The following C17orf107 variants were observed in gnomAD, a reference collection of about 807,000 sequenced individuals.
C17orf107 encodes uncharacterized protein C17orf107.
Under a neutral mutation model 8.9 loss-of-function variants are expected in C17orf107, and 9 were observed. The ratio of observed to expected loss-of-function variants is 1.02; its 90% confidence interval spans 0.61 to 1.77. C17orf107 has a LOEUF of 1.77. Ranked by LOEUF, C17orf107 falls within the 40% of genes most tolerant of loss-of-function variation. The pLI is 0.00. For missense variants in C17orf107, 281 were observed against 249.0 expected (o/e 1.13, Z -0.86); for synonymous variants, 139 against 120.3 (o/e 1.16, Z -1.02).
Position 4,900,803 on chromosome 17 carries a change from G to A in C17orf107, c.*270G>A. The A allele has an allele frequency of 1.2e-6, 2 of 1,613,818 alleles. No individual in the cohort carries two copies. Among genetic ancestry groups the A allele is most frequent in the East Asian group, 2.2e-5 (1 of 44,862 alleles). ...GGGCTCCGGCTTCACCTGCCCAGGA[G>A]CGGCACGCTCAGAGAAGTCTCTGGG... On this transcript the variant is annotated 3_prime_UTR_variant, in exon 3 of 3. Transcript: ENST00000381365.
At chr17:4,904,349 C>T (rs1208929693), downstream of C17orf107, among the ~76,000 whole-genome samples, 1 of 152,106 alleles carries the variant, frequency 6.6e-6, no homozygotes, top group African/African-American at 2.4e-5. Context: ...AGGTGTGAGC[C>T]ACCACGCCCG....
Position 4,901,050 on chromosome 17 carries a change from T to C in C17orf107, c.*517T>C. On this transcript the variant is annotated 3_prime_UTR_variant, in exon 3 of 3. Transcript: ENST00000381365. ...CCCGAGATGAGCACACAGGGCACGA[T>C]GATGTTAATGACGTAGAAGAGCGGC... 1 of 1,613,754 alleles carries C rather than the reference T, an allele frequency of 6.2e-7. No individual in the cohort carries two copies. Among genetic ancestry groups the C allele is most frequent in the Non-Finnish European group, 8.5e-7 (1 of 1,179,918 alleles).
In C17orf107 at chr17:4,902,267, C is replaced by T; in HGVS notation, c.*1734C>T. 1 of 1,614,160 alleles carries T rather than the reference C, an allele frequency of 6.2e-7. No individual in the cohort carries two copies. Among genetic ancestry groups the T allele is most frequent in the Non-Finnish European group, 8.5e-7 (1 of 1,180,020 alleles). On this transcript the variant is annotated 3_prime_UTR_variant, in exon 3 of 3. Coordinates refer to ENST00000381365, the MANE Select transcript of C17orf107 (RefSeq NM_001145536.2). This position sits in a 1 kb window ranked among gnomAD's most constrained non-coding sequence, Gnocchi z 4.0. ...GCCACACGAGTTCTGAAGGGACTCG[C>T]AGGGTTTCTATACCCCCAAAGTCGT... is the stretch of plus-strand genomic sequence containing the variant.
Position 4,900,015 on chromosome 17 carries a change from G to C in C17orf107, c.146G>C (p.Arg49Thr), listed in dbSNP as rs1969920714. ...AAHEYLEQRF[R>T]ELKSLEPPEP... is the part of the protein sequence containing the mutation. ...CATGAATATCTGGAGCAGAGGTTCA[G>C]AGAGCTGAAGTCCCTGGAGCCACCC... Residue 49 changes from arginine (R) to threonine (T), a missense_variant, in exon 2 of 3, where the codon AGA becomes ACA. Coordinates refer to ENST00000381365, the MANE Select transcript of C17orf107 (RefSeq NM_001145536.2). The C allele has an allele frequency of 6.4e-7, 1 of 1,551,436 alleles. No individual in the cohort carries two copies. The highest frequency in any genetic ancestry group is 8.7e-7 in the Non-Finnish European group (1 of 1,147,014).
At chr17:4,903,064 C>G, downstream of C17orf107, 1 of 1,614,042 alleles carries the variant, frequency 6.2e-7, no homozygotes, top group South Asian at 1.1e-5. Context: ...CCCTTGCCAT[C>G]CTGCTGCGTG....
chr17:4,900,764 C>A lies in C17orf107; in HGVS notation c.*231C>A. The stretch of plus-strand genomic sequence containing the variant: ...GCCACGCCCCCACCCTTCACACTGG[C>A]CACACCCCCGCGGGGGCTCCGGCTT... On this transcript the variant is annotated 3_prime_UTR_variant, in exon 3 of 3. Transcript: ENST00000381365. 2 of 1,599,740 alleles carry A rather than the reference C, an allele frequency of 1.3e-6. No homozygotes were observed. Among genetic ancestry groups the A allele is most frequent in the Non-Finnish European group, 1.7e-6 (2 of 1,171,450 alleles).
chr17:4,901,264 G>C lies in C17orf107; in HGVS notation c.*731G>C. ...CGAGCTGACAGCGGGCTGAAGAGGA[G>C]GCTGCGGCTGTCTGCACCAGGGTCA... On this transcript the variant is annotated 3_prime_UTR_variant, in exon 3 of 3. Transcript: ENST00000381365. The C allele has an allele frequency of 3.9e-6, 6 of 1,523,352 alleles. No individual in the cohort carries two copies. Among genetic ancestry groups the C allele is most frequent in the Non-Finnish European group, 5.4e-6 (6 of 1,119,082 alleles). The allele number at this position is 1,523,352 out of a possible 1,614,324, so 94.4% of individuals were successfully genotyped here. A position where few individuals can be genotyped will look rare whatever the true frequency, so the allele number is the denominator to read the frequency against.
At position 4,902,428 on chromosome 17, in the gene C17orf107, C is replaced by G; in HGVS notation, c.*1895C>G. On this transcript the variant is annotated 3_prime_UTR_variant, in exon 3 of 3. Coordinates refer to ENST00000381365, the MANE Select transcript of C17orf107 (RefSeq NM_001145536.2). This position sits in a 1 kb window ranked among gnomAD's most constrained non-coding sequence, Gnocchi z 4.0. ...GGGGTGCCCTGGACAAGACCTCACA[C>G]CATTCCCCAGATTTGACTCACGATT... is the stretch of plus-strand genomic sequence containing the variant. The G allele has an allele frequency of 6.2e-7, 1 of 1,614,216 alleles. No homozygotes were observed. Among genetic ancestry groups the G allele is most frequent in the Non-Finnish European group, 8.5e-7 (1 of 1,180,048 alleles).
At position 4,901,173 on chromosome 17, in the gene C17orf107, T is replaced by G; in HGVS notation, c.*640T>G. 2 of 1,605,912 alleles carry G rather than the reference T, an allele frequency of 1.2e-6. No homozygotes were observed. Among genetic ancestry groups the G allele is most frequent in the Non-Finnish European group, 1.7e-6 (2 of 1,178,692 alleles). ...CGGATCACCCCCGGGCAGAAGTCGA[T>G]GGCCCACTCGCCGTTCTCTGCGGGA... On this transcript the variant is annotated 3_prime_UTR_variant, in exon 3 of 3. Coordinates refer to ENST00000381365, the MANE Select transcript of C17orf107 (RefSeq NM_001145536.2).
In C17orf107 at chr17:4,901,033, G is replaced by A. The variant is rs1969966911; in HGVS notation, c.*500G>A. On this transcript the variant is annotated 3_prime_UTR_variant, in exon 3 of 3. Transcript: ENST00000381365. ...AGGCGAGCAGCACCAGGCCCGAGAT[G>A]AGCACACAGGGCACGATGATGTTAA... is the stretch of plus-strand genomic sequence containing the variant. The A allele has an allele frequency of 6.2e-7, 1 of 1,614,064 alleles. No homozygotes were observed.
In C17orf107 at chr17:4,900,890, T is replaced by C. The variant is rs774407731; in HGVS notation, c.*357T>C. On this transcript the variant is annotated 3_prime_UTR_variant, in exon 3 of 3. Coordinates refer to ENST00000381365, the MANE Select transcript of C17orf107 (RefSeq NM_001145536.2). ...GCGAGCAGGACGTTGATGGAGACCG[T>C]GCATTTCTGGCCGCCGGCTGGAGGG... 1.2e-4 allele frequency: 194 copies of C among 1,613,974 alleles called. 1 individual carries two copies. Among genetic ancestry groups the C allele is most frequent in the Non-Finnish European group, 1.5e-4 (182 of 1,179,978 alleles).
At chr17:4,903,541 G>A (rs753880344), downstream of C17orf107, among the ~76,000 whole-genome samples, 3 of 152,124 alleles carry the variant, frequency 2.0e-5, no homozygotes, top group East Asian at 1.9e-4. Context: ...CTTTCTTGCC[G>A]ACAGAGTGGC....
Position 4,901,753 on chromosome 17 carries a change from C to G in C17orf107, c.*1220C>G. 8.0e-7 allele frequency: 1 copy of G among 1,245,590 alleles called. No individual in the cohort carries two copies. The highest frequency in any genetic ancestry group is 1.2e-5 in the South Asian group (1 of 81,372). The allele number at this position is 1,245,590 out of a possible 1,614,324, so 77.2% of individuals were successfully genotyped here. A position where few individuals can be genotyped will look rare whatever the true frequency, so the allele number is the denominator to read the frequency against. ...CCCACCCCTTCACCCAAGCCCAGCC[C>G]GCACGCCTCTGTTCCCATCTGTACC... On this transcript the variant is annotated 3_prime_UTR_variant, in exon 3 of 3. Transcript: ENST00000381365.
At position 4,900,555 on chromosome 17, in the gene C17orf107, G is replaced by A. The variant is rs1164939503; in HGVS notation, c.*22G>A. 8 of 1,550,230 alleles carry A rather than the reference G, an allele frequency of 5.2e-6. No individual in the cohort carries two copies. The highest frequency in any genetic ancestry group is 6.1e-6 in the Non-Finnish European group (7 of 1,146,916). On this transcript the variant is annotated 3_prime_UTR_variant, in exon 3 of 3. Coordinates refer to ENST00000381365, the MANE Select transcript of C17orf107 (RefSeq NM_001145536.2). The stretch of plus-strand genomic sequence containing the variant: ...TTAGGGGCCAGAGGCGGCGGGGCTA[G>A]GGAGGCACTGAGCCGGACTGTCCCC...
Position 4,902,373 on chromosome 17 carries a change from G to A in C17orf107, c.*1840G>A. ...GCCGCGTGCCCTGCATCTCCCACCT[G>A]GCGCTGCCTGGGAGGGGTTTGGGGG... On this transcript the variant is annotated 3_prime_UTR_variant, in exon 3 of 3. Coordinates refer to ENST00000381365, the MANE Select transcript of C17orf107 (RefSeq NM_001145536.2). The surrounding 1 kb of genome is among the most constrained non-coding windows in gnomAD (Gnocchi z 4.0). 1 of 1,613,326 alleles carries A rather than the reference G, an allele frequency of 6.2e-7. No individual in the cohort carries two copies. Among genetic ancestry groups the A allele is most frequent in the Non-Finnish European group, 8.5e-7 (1 of 1,179,226 alleles).
At position 4,900,872 on chromosome 17, in the gene C17orf107, G is replaced by T. The variant is rs900612569; in HGVS notation, c.*339G>T. 1 of 1,614,102 alleles carries T rather than the reference G, an allele frequency of 6.2e-7. No individual in the cohort carries two copies. Among genetic ancestry groups the T allele is most frequent in the Non-Finnish European group, 8.5e-7 (1 of 1,180,024 alleles). On this transcript the variant is annotated 3_prime_UTR_variant, in exon 3 of 3. Transcript: ENST00000381365. The stretch of plus-strand genomic sequence containing the variant: ...AACAAGAAGACGGTCTGGGCGAGCA[G>T]GACGTTGATGGAGACCGTGCATTTC...
At position 4,901,813 on chromosome 17, in the gene C17orf107, C is replaced by A. The variant is rs1399159992; in HGVS notation, c.*1280C>A. The A allele has an allele frequency of 1.4e-6, 2 of 1,462,192 alleles. No homozygotes were observed. The highest frequency in any genetic ancestry group is 1.9e-6 in the Non-Finnish European group (2 of 1,053,000). The allele number at this position is 1,462,192 out of a possible 1,614,324, so 90.6% of individuals were successfully genotyped here. On this transcript the variant is annotated 3_prime_UTR_variant, in exon 3 of 3. Transcript: ENST00000381365. Reference sequence around the variant, plus strand: ...GCTGGAGCGTCCCACCCAGTGCCTACGCCTGGCTCCGCCTCCAGCGCGAAG... The same window carrying A: ...GCTGGAGCGTCCCACCCAGTGCCTAAGCCTGGCTCCGCCTCCAGCGCGAAG...
In C17orf107 at chr17:4,901,220, G is replaced by C. The variant is rs780681661; in HGVS notation, c.*687G>C. On this transcript the variant is annotated 3_prime_UTR_variant, in exon 3 of 3. Coordinates refer to ENST00000381365, the MANE Select transcript of C17orf107 (RefSeq NM_001145536.2). ...GGGACGGGGGCACGGTCAGCTGGCTGTCAGAGCGGGGCGCCCGCCGAGCTG... is the reference window on the plus strand; with the variant it reads ...GGGACGGGGGCACGGTCAGCTGGCTCTCAGAGCGGGGCGCCCGCCGAGCTG... The C allele has an allele frequency of 6.3e-6, 10 of 1,592,740 alleles. No individual in the cohort carries two copies. Among genetic ancestry groups the C allele is most frequent in the Non-Finnish European group, 7.7e-6 (9 of 1,174,396 alleles).
chr17:4,899,724 T>G lies in C17orf107; in HGVS notation c.-39T>G, dbSNP rs1241187072. The stretch of plus-strand genomic sequence containing the variant: ...CGCCCCCTACACGACGACAGACGCG[T>G]CCCCCAGCCCTTCTCCTGTCCTACC... On this transcript the variant is annotated 5_prime_UTR_variant, in exon 1 of 3. Coordinates refer to ENST00000381365, the MANE Select transcript of C17orf107 (RefSeq NM_001145536.2). 2 of 1,533,730 alleles carry G rather than the reference T, an allele frequency of 1.3e-6. No homozygotes were observed. The highest frequency in any genetic ancestry group is 2.5e-5 in the East Asian group (1 of 40,802).
Sources: gnomAD v4.1 joint callset for allele counts (sites outside exome capture counted in the v4.1 genomes callset) on GRCh38, gnomAD v4.1.1 for gene constraint, Gnocchi (gnomAD v3.1) non-coding constraint, MANE v1.5 for transcripts, NCBI Gene and HGNC (gene_info 2026-07-23, HGNC 2026-07-21) for gene names.